XPR1: variants seen among roughly 807,000 people sequenced by gnomAD.
XPR1 encodes the protein solute carrier family 53 member 1.
In XPR1, 28 loss-of-function variants were observed where a neutral mutation model predicts 87.5. That is an observed-to-expected ratio of 0.32 (90% confidence interval 0.24 to 0.44). The LOEUF is 0.44. XPR1 is among the 20% of genes least tolerant of loss of function. The probability of loss-of-function intolerance (pLI) is 1.00; values close to 1 mark genes in which losing one functional copy is unlikely to be tolerated. For missense variants in XPR1, 559 were observed against 862.3 expected (o/e 0.65, Z 4.41); for synonymous variants, 300 against 306.1 (o/e 0.98, Z 0.21).
intron 4 of XPR1, among the ~76,000 whole-genome samples, chr1:180,804,022 G>A (rs1252349173): frequency 2.0e-5 from 3 of 147,186 alleles, no homozygotes; most frequent in Non-Finnish European, 4.5e-5. Flanking sequence ...GTCTCACTGT[G>A]TCACCCAGGC....
At chr1:180,725,916 T>A (rs1412686029) in intron 2 of XPR1, among the ~76,000 whole-genome samples, 1 of 152,224 alleles carries the variant, frequency 6.6e-6, no homozygotes, top group Non-Finnish European at 1.5e-5. Context: ...CCTGATAGTA[T>A]CTACTTCAAA....
intron 2 of XPR1, among the ~76,000 whole-genome samples, chr1:180,745,594 G>A (rs1051782165): frequency 6.6e-6 from 1 of 152,114 alleles, no homozygotes; most frequent in African/African-American, 2.4e-5. Flanking sequence ...AAGAAGAAAA[G>A]GGGGGGATGT....
chr1:180,690,277 T>C (rs912971855), intron 2 of XPR1, among the ~76,000 whole-genome samples: 7 of 152,168 alleles, frequency 4.6e-5, no homozygotes, highest in East Asian at 3.8e-4. Context: ...AAAATTGATA[T>C]AAGGTGAATT....
rs1658556709 is a variant in XPR1 at position 180,731,557 on chromosome 1, G to A, written c.121+49146G>A. Reference sequence around the variant, plus strand: ...AGGAACTCAGATAAAACAAATACAAGTGTCAAGCTTTAACAGCAGAAGGGT... The same window carrying A: ...AGGAACTCAGATAAAACAAATACAAATGTCAAGCTTTAACAGCAGAAGGGT... On this transcript the variant is annotated intron_variant, in intron 2 of 14. Transcript: ENST00000367590. Among the ~76,000 whole-genome samples, 3 of 152,144 alleles carry A rather than the reference G, an allele frequency of 2.0e-5. No individual in the cohort carries two copies. In the South Asian group the frequency reaches 6.2e-4, roughly 31 times the overall value.
intron 1 of XPR1, among the ~76,000 whole-genome samples, chr1:180,656,451 A>ATT (rs1177101113): frequency 0.014 from 562 of 40,652 alleles, 108 homozygotes; most frequent in African/African-American, 0.04. Flanking sequence ...ATAAATATTT[A>ATT]TATATTTATA....
intron 7 of XPR1, among the ~76,000 whole-genome samples, chr1:180,822,728 T>G (rs1296336891): frequency 6.6e-6 from 1 of 152,144 alleles, no homozygotes; most frequent in Non-Finnish European, 1.5e-5. Flanking sequence ...ATCTTCTTAA[T>G]AAACTTATGA....
intron 2 of XPR1, among the ~76,000 whole-genome samples, chr1:180,730,871 T>C (rs1658536285): frequency 6.6e-6 from 1 of 152,040 alleles, no homozygotes; most frequent in African/African-American, 2.4e-5. Flanking sequence ...CTTGCTGTGT[T>C]ACCTAGGCTG....
At chr1:180,676,726 T>C (rs1656380370) in intron 1 of XPR1, among the ~76,000 whole-genome samples, 1 of 152,250 alleles carries the variant, frequency 6.6e-6, no homozygotes, top group Non-Finnish European at 1.5e-5. Context: ...ACTGAGTATA[T>C]ATACATTTTT....
chr1:180,708,972 C>T, intron 2 of XPR1, among the ~76,000 whole-genome samples: 1 of 143,342 alleles, frequency 7.0e-6, no homozygotes, highest in African/African-American at 2.6e-5. Flanking sequence ...AGTGCAGTGG[C>T]ACGATCTTGG....
At chr1:180,768,218 TAG>T (rs1013702235) in intron 2 of XPR1, among the ~76,000 whole-genome samples, 1 of 151,072 alleles carries the variant, frequency 6.6e-6, no homozygotes, top group African/African-American at 2.5e-5. Context: ...AGATTTACTA[TAG>T]AGTTTTTTTT....
chr1:180,633,684 T>C (rs1654670811), intron 1 of XPR1, among the ~76,000 whole-genome samples: 1 of 152,246 alleles, frequency 6.6e-6, no homozygotes, highest in Non-Finnish European at 1.5e-5. Context: ...GGCCATGTTT[T>C]GTAAGAATGA....
intron 1 of XPR1, among the ~76,000 whole-genome samples, chr1:180,656,578 T>TA (rs1655528569): frequency 1.8e-5 from 1 of 56,872 alleles, no homozygotes; most frequent in African/African-American, 5.6e-5. Context: ...ATTTTATATA[T>TA]GTATGTATAA....
chr1:180,789,097 G>A (rs1312617552), intron 3 of XPR1, among the ~76,000 whole-genome samples: 1 of 152,178 alleles, frequency 6.6e-6, no homozygotes, highest in African/African-American at 2.4e-5. Context: ...AAGAGACTGA[G>A]TCCAGCATTC....
chr1:180,646,315 C>A (rs373849010), intron 1 of XPR1, among the ~76,000 whole-genome samples: 3 of 152,142 alleles, frequency 2.0e-5, no homozygotes, highest in African/African-American at 7.2e-5. Context: ...GTGTGGTTAG[C>A]CACTAAGAAT....
At chr1:180,783,615 T>C (rs900262620) in intron 2 of XPR1, among the ~76,000 whole-genome samples, 3 of 152,086 alleles carry the variant, frequency 2.0e-5, no homozygotes, top group East Asian at 3.8e-4. Context: ...TTCTGTTATT[T>C]ATTTTTTCCT....
At chr1:180,777,254 C>T (rs561383383) in intron 2 of XPR1, among the ~76,000 whole-genome samples, 100 of 152,238 alleles carry the variant, frequency 6.6e-4, no homozygotes, top group African/African-American at 2.2e-3. Context: ...TGATCTCTCC[C>T]GTGGTATCTA....
chr1:180,738,673 A>C (rs1030454655), intron 2 of XPR1, among the ~76,000 whole-genome samples: 3 of 152,038 alleles, frequency 2.0e-5, no homozygotes, highest in Non-Finnish European at 4.4e-5. Context: ...ACATCTTTTT[A>C]TATGCTTCTT....
chr1:180,703,309 T>TG (rs577466751), intron 2 of XPR1, among the ~76,000 whole-genome samples: 215 of 152,096 alleles, frequency 1.4e-3, no homozygotes, highest in Non-Finnish European at 2.8e-3. Flanking sequence ...GTGGTGGTGA[T>TG]GGGTGGAGTG....
chr1:180,655,972 CCTCT>C (rs918278685), intron 1 of XPR1, among the ~76,000 whole-genome samples: 4 of 151,812 alleles, frequency 2.6e-5, no homozygotes, highest in African/African-American at 7.3e-5. Flanking sequence ...ATCTAATTAT[CCTCT>C]CTTAGTTATT....
Sources: gnomAD v4.1 joint callset for allele counts (sites outside exome capture counted in the v4.1 genomes callset) on GRCh38, gnomAD v4.1.1 for gene constraint, MANE v1.5 for transcripts, NCBI Gene and HGNC (gene_info 2026-07-23, HGNC 2026-07-21) for gene names.